The following SGCD variants were observed in gnomAD, a reference collection of about 807,000 sequenced individuals.
The protein encoded by SGCD is delta-sarcoglycan.
SGCD carries 18 observed loss-of-function variants against 36.6 expected under a neutral mutation model. The observed-to-expected ratio is 0.49, with a 90% confidence interval of 0.34 to 0.73. The LOEUF (loss-of-function observed/expected upper bound fraction) is 0.73, where lower values mean the gene tolerates loss of function less well. Ranked by LOEUF, SGCD falls within the 30% of genes least tolerant of loss-of-function variation. The probability of loss-of-function intolerance (pLI) is 0.01; values close to 1 mark genes in which losing one functional copy is unlikely to be tolerated. For missense variants in SGCD, 387 were observed against 346.7 expected (o/e 1.12, Z -0.92); for synonymous variants, 133 against 130.6 (o/e 1.02, Z -0.12).
chr5:155,789,200 T>C, the SGCD span, among the ~76,000 whole-genome samples: 1 of 152,122 alleles, frequency 6.6e-6, no homozygotes, highest in Non-Finnish European at 1.5e-5. Context: ...TTGCTTAATG[T>C]TCTTTTCTCT....
chr5:156,164,972 A>G (rs1025010485), intron 3 of SGCD, among the ~76,000 whole-genome samples: 9 of 152,194 alleles, frequency 5.9e-5, no homozygotes, highest in East Asian at 3.8e-4. Context: ...AATGTTTTCT[A>G]TTTCTTAGAG....
intron 3 of SGCD, among the ~76,000 whole-genome samples, chr5:156,228,657 G>A (rs1259559018): frequency 2.0e-5 from 3 of 152,118 alleles, no homozygotes; most frequent in Admixed American, 6.6e-5. Flanking sequence ...ATTGAGATGT[G>A]AGGTACCATT....
At chr5:156,369,897 A>G (rs1375194438) in intron 3 of SGCD, among the ~76,000 whole-genome samples, 3 of 152,194 alleles carry the variant, frequency 2.0e-5, no homozygotes, top group Admixed American at 2.0e-4. Context: ...GAATCAGGCT[A>G]CTTGTTTTCA....
intron 3 of SGCD, among the ~76,000 whole-genome samples, chr5:156,502,472 C>T (rs1374790293): frequency 6.6e-6 from 1 of 152,084 alleles, no homozygotes; most frequent in African/African-American, 2.4e-5. Context: ...GTAGCTGGGA[C>T]TACAGGTATA....
At chr5:155,764,522 G>C in the SGCD span, among the ~76,000 whole-genome samples, 1 of 152,278 alleles carries the variant, frequency 6.6e-6, no homozygotes, top group East Asian at 1.9e-4. Context: ...AAGGTCAGCA[G>C]CTGTTCAGGA....
At chr5:156,545,344 T>A (rs1758527841) in intron 4 of SGCD, among the ~76,000 whole-genome samples, 1 of 152,174 alleles carries the variant, frequency 6.6e-6, no homozygotes, top group African/African-American at 2.4e-5. Context: ...GCACTGCCAC[T>A]GTTTCCATGG....
intron 3 of SGCD, among the ~76,000 whole-genome samples, chr5:156,214,870 C>T (rs1001853247): frequency 1.3e-5 from 2 of 151,994 alleles, no homozygotes; most frequent in African/African-American, 4.8e-5. Context: ...TCAATAAATT[C>T]TGTTGGGATA....
At chr5:155,996,906 TAGAC>T (rs1355255873) in intron 1 of SGCD, among the ~76,000 whole-genome samples, 88 of 142,018 alleles carry the variant, frequency 6.2e-4, no homozygotes, top group East Asian at 1.5e-3. Context: ...GATAGATAGA[TAGAC>T]AGACAGACAG....
chr5:156,009,707 T>G (rs1581039879), intron 1 of SGCD, among the ~76,000 whole-genome samples: 1 of 152,174 alleles, frequency 6.6e-6, no homozygotes, highest in Non-Finnish European at 1.5e-5. Context: ...TTACATAGAT[T>G]TTAAAGAATT....
At chr5:156,484,976 A>G (rs1755591633) in intron 3 of SGCD, among the ~76,000 whole-genome samples, 1 of 152,242 alleles carries the variant, frequency 6.6e-6, no homozygotes, top group Non-Finnish European at 1.5e-5. Flanking sequence ...GTGCCAGTAA[A>G]GTAAATGAGG....
At chr5:156,668,851 A>C (rs1407396608) in intron 7 of SGCD, among the ~76,000 whole-genome samples, 1 of 152,180 alleles carries the variant, frequency 6.6e-6, no homozygotes, top group Non-Finnish European at 1.5e-5. Flanking sequence ...GAAGCCAGTT[A>C]GATAGGGCTT....
At chr5:156,085,878 AC>A (rs907041376) in intron 1 of SGCD, among the ~76,000 whole-genome samples, 1 of 152,210 alleles carries the variant, frequency 6.6e-6, no homozygotes, top group African/African-American at 2.4e-5. Flanking sequence ...ATATACTAAT[AC>A]ACTAATAGCC....
chr5:155,929,807 T>C (rs1757067943), intron 1 of SGCD, among the ~76,000 whole-genome samples: 1 of 152,200 alleles, frequency 6.6e-6, no homozygotes, highest in African/African-American at 2.4e-5. Context: ...CACAAGTAGT[T>C]TTTTGTGTGC....
chr5:156,657,852 G>T, intron 7 of SGCD, among the ~76,000 whole-genome samples: 1 of 125,396 alleles, frequency 8.0e-6, no homozygotes, highest in South Asian at 3.2e-4. Context: ...GGAGGATCCC[G>T]CCAGCCTCTG....
chr5:156,160,371 T>C (rs1236756117), intron 3 of SGCD, among the ~76,000 whole-genome samples: 1 of 151,716 alleles, frequency 6.6e-6, no homozygotes, highest in African/African-American at 2.4e-5. Flanking sequence ...AAGCTTCACT[T>C]TCTATATTTT....
At chr5:156,012,580 T>A in intron 1 of SGCD, among the ~76,000 whole-genome samples, 1 of 152,000 alleles carries the variant, frequency 6.6e-6, no homozygotes, top group Non-Finnish European at 1.5e-5. Flanking sequence ...GAGTTATCTC[T>A]TTACTAAGAT....
the SGCD span, among the ~76,000 whole-genome samples, chr5:155,742,023 T>C: frequency 6.6e-6 from 1 of 152,158 alleles, no homozygotes. Context: ...GGAATGCCCT[T>C]GGCTGAGAAG....
chr5:155,804,620 C>T, the SGCD span, among the ~76,000 whole-genome samples: 1 of 152,218 alleles, frequency 6.6e-6, no homozygotes, highest in African/African-American at 2.4e-5. Flanking sequence ...TGTTAACTTC[C>T]TAACTTGTGA....
intron 3 of SGCD, among the ~76,000 whole-genome samples, chr5:156,289,129 T>G (rs1261867457): frequency 6.6e-6 from 1 of 152,042 alleles, no homozygotes; most frequent in Admixed American, 6.6e-5. Flanking sequence ...GAGTTTGTGG[T>G]CATATAAGTT....
Sources: allele counts gnomAD v4.1 joint callset (sites outside exome capture counted in the v4.1 genomes callset), GRCh38; gene constraint gnomAD v4.1.1; transcripts MANE v1.5; gene names NCBI Gene and HGNC (gene_info 2026-07-23, HGNC 2026-07-21).